The following NPSR1 variants were observed in gnomAD, a reference collection of about 807,000 sequenced individuals.
The protein encoded by NPSR1 is neuropeptide S receptor.
A neutral mutation model predicts 46.9 loss-of-function variants in NPSR1; 48 were observed. The observed-to-expected ratio is 1.02, with a 90% CI of 0.81 to 1.30. The LOEUF (loss-of-function observed/expected upper bound fraction) is 1.30, where lower values mean the gene tolerates loss of function less well. Among genes scored for constraint, NPSR1 ranks in the 50% most tolerant of loss-of-function variants. The pLI, the probability that NPSR1 is intolerant of heterozygous loss-of-function variation, is 0.00. For missense variants in NPSR1, 450 were observed against 449.5 expected (o/e 1.00, Z -0.01); for synonymous variants, 176 against 168.1 (o/e 1.05, Z -0.36).
downstream of NPSR1, among the ~76,000 whole-genome samples, chr7:34,854,543 G>T (rs1791010085): frequency 6.6e-6 from 1 of 152,106 alleles, no homozygotes; most frequent in African/African-American, 2.4e-5. Flanking sequence ...ACCTTTTAAG[G>T]CAAAAAGTAT....
chr7:34,855,521 C>A lies in NPSR1; in HGVS notation c.1025+6858C>A, dbSNP rs553783766. On this transcript the variant is annotated intron_variant, in intron 8 of 8. Transcript: ENST00000359791. ...ATGAATGGGAAAACATATAATTGAC[C>A]CAAGAAGAAACAAAATCAGAATAGT... Among the ~76,000 whole-genome samples the A allele has an allele frequency of 2.0e-5, 3 of 151,520 alleles. No homozygotes were observed. In the East Asian group the frequency reaches 5.8e-4, roughly 29 times the overall value.
At chr7:34,855,804 GGCT>G (rs1433657601) in intron 8 of NPSR1, among the ~76,000 whole-genome samples, 2 of 151,998 alleles carry the variant, frequency 1.3e-5, no homozygotes, top group Non-Finnish European at 2.9e-5. Context: ...AATATAACAA[GGCT>G]AACATATGTG....
intron 2 of NPSR1, among the ~76,000 whole-genome samples, chr7:34,754,307 T>C (rs1270166063): frequency 6.6e-6 from 1 of 152,226 alleles, no homozygotes; most frequent in Non-Finnish European, 1.5e-5. Flanking sequence ...TAGACTCTGT[T>C]TGATGTAAGA....
intron 2 of NPSR1, chr7:34,711,164 T>C: frequency 4.4e-6 from 1 of 229,614 alleles, no homozygotes; most frequent in Admixed American, 4.6e-5. Context: ...TGTAGAACCA[T>C]ATATTGCACG....
At chr7:34,697,809 A>G (rs1300003882) in intron 2 of NPSR1, among the ~76,000 whole-genome samples, 1 of 152,026 alleles carries the variant, frequency 6.6e-6, no homozygotes, top group Non-Finnish European at 1.5e-5. Context: ...GACAGGAGAG[A>G]AAAAATATTA....
At chr7:34,752,986 AAACACT>A (rs1244212265) in intron 2 of NPSR1, among the ~76,000 whole-genome samples, 1 of 152,226 alleles carries the variant, frequency 6.6e-6, no homozygotes, top group Non-Finnish European at 1.5e-5. Flanking sequence ...CAACTCCCTG[AAACACT>A]AGAATGTGAG....
intron 2 of NPSR1, among the ~76,000 whole-genome samples, chr7:34,702,364 T>G (rs995231282): frequency 6.6e-6 from 1 of 152,276 alleles, no homozygotes; most frequent in Non-Finnish European, 1.5e-5. Context: ...ATTATTATTT[T>G]TTTAACCCAG....
At chr7:34,739,042 G>A (rs1431765693) in intron 2 of NPSR1, among the ~76,000 whole-genome samples, 1 of 152,110 alleles carries the variant, frequency 6.6e-6, no homozygotes, top group Admixed American at 6.5e-5. Context: ...GATGTTTAAA[G>A]TTCATCCATA....
At chr7:34,821,095 T>C (rs1274835185) in intron 4 of NPSR1, among the ~76,000 whole-genome samples, 2 of 151,856 alleles carry the variant, frequency 1.3e-5, no homozygotes, top group Non-Finnish European at 2.9e-5. Context: ...TATAACTTTA[T>C]TTTTGGTTTA....
chr7:34,790,811 A>ATGT (rs568915147), intron 3 of NPSR1, among the ~76,000 whole-genome samples: 1,470 of 97,894 alleles, frequency 0.015, 83 homozygotes, highest in East Asian at 0.037. Flanking sequence ...GTTATATGTT[A>ATGT]TATATGTTAT....
intron 2 of NPSR1, among the ~76,000 whole-genome samples, chr7:34,741,830 C>T (rs1784955525): frequency 1.3e-5 from 2 of 152,172 alleles, no homozygotes; most frequent in Admixed American, 1.3e-4. Context: ...ATTTTAAATT[C>T]TCTAACACCC....
intron 2 of NPSR1, among the ~76,000 whole-genome samples, chr7:34,694,937 T>A (rs1306622997): frequency 1.3e-5 from 2 of 152,176 alleles, no homozygotes; most frequent in Non-Finnish European, 2.9e-5. Flanking sequence ...CTTGATCTCT[T>A]GACCTTGTGA....
chr7:34,725,321 TA>T (rs1232578436), intron 2 of NPSR1, among the ~76,000 whole-genome samples: 4 of 152,306 alleles, frequency 2.6e-5, no homozygotes, highest in South Asian at 2.1e-4. Flanking sequence ...ATACCCATAA[TA>T]ACATTTATGT....
At chr7:34,768,680 T>G (rs1047585195) in intron 2 of NPSR1, among the ~76,000 whole-genome samples, 2 of 152,218 alleles carry the variant, frequency 1.3e-5, no homozygotes, top group African/African-American at 4.8e-5. Flanking sequence ...CAGTCTTTAC[T>G]TGCTGCAGGG....
In NPSR1 at chr7:34,844,989, A is replaced by G; in HGVS notation, c.844+7A>G. 6.2e-7 allele frequency: 1 copy of G among 1,600,328 alleles called. No individual in the cohort carries two copies. Among genetic ancestry groups the G allele is most frequent in the Non-Finnish European group, 8.6e-7 (1 of 1,167,452 alleles). ...AGCATCATCATCATTCTTGGTAAGC[A>G]ATGTCCCTCCTTGAGCTGTAAAGTG... On this transcript the variant is annotated splice_region_variant and intron_variant, in intron 7 of 8. Transcript: ENST00000360581.
intron 3 of NPSR1, among the ~76,000 whole-genome samples, chr7:34,789,740 CAA>C (rs751424409): frequency 0.09 from 4,016 of 44,596 alleles, 27 homozygotes; most frequent in Middle Eastern, 0.17. Flanking sequence ...TTGCAGTGCG[CAA>C]AAAAAAAAAA....
Position 34,874,040 on chromosome 7 carries a change from T to A in NPSR1, c.1026-4036T>A, listed in dbSNP as rs576888693. ...AGAGCCCTAATGATACACAGTCTTC[T>A]CTTGAAAGAGGAGAAGACTGAGGCC... On this transcript the variant is annotated intron_variant, in intron 8 of 8. Coordinates refer to the NPSR1 transcript ENST00000359791. 1.6e-4 allele frequency among the ~76,000 whole-genome samples: 24 copies of A among 151,726 alleles called. 1 individual carries two copies. The highest frequency in any genetic ancestry group is 5.8e-4 in the African/African-American group (24 of 41,050).
At chr7:34,684,419 T>G (rs1267548393) in intron 1 of NPSR1, 133 bp from the exon 2 acceptor site, 1 of 788,638 alleles carries the variant, frequency 1.3e-6, no homozygotes, top group African/African-American at 1.8e-5. Context: ...TTTGTCATTG[T>G]TTTCTTGAGA....
chr7:34,854,352 G>C (rs1341752390), downstream of NPSR1, among the ~76,000 whole-genome samples: 1 of 152,098 alleles, frequency 6.6e-6, no homozygotes, highest in Non-Finnish European at 1.5e-5. Context: ...AAATGCCCCA[G>C]TTAATAATCA....
Sources: gnomAD v4.1 joint callset for allele counts (sites outside exome capture counted in the v4.1 genomes callset) on GRCh38, gnomAD v4.1.1 for gene constraint, MANE v1.5 for transcripts, NCBI Gene and HGNC (gene_info 2026-07-23, HGNC 2026-07-21) for gene names.